Variants in PGAP6 observed in about 807,000 individuals in gnomAD.
PGAP6 encodes post-GPI attachment to proteins 6, also known as post-GPI attachment to proteins factor 6.
PGAP6 carries 62 observed loss-of-function variants against 68.4 expected under a neutral mutation model. That is an observed-to-expected ratio of 0.91 (90% CI 0.74 to 1.12). The LOEUF is 1.12. Among genes scored for constraint, PGAP6 ranks in the 50% most tolerant of loss-of-function variants. The pLI, the probability that PGAP6 is intolerant of heterozygous loss-of-function variation, is 0.00. For synonymous variants in PGAP6, 575 were observed against 474.0 expected (o/e 1.21, Z -2.77); for missense variants, 1,188 against 1,068.5 (o/e 1.11, Z -1.56).
chr16:372,316 G>T (rs1414705589), intron 12 of PGAP6, 33 bp from the exon 13 acceptor site: 1 of 1,584,532 alleles, frequency 6.3e-7, no homozygotes, highest in East Asian at 2.3e-5. Context: ...TATCAGTGCA[G>T]GTGGGGCCGC....
Position 376,544 on chromosome 16 carries a change from C to T in PGAP6, c.904G>A (p.Ala302Thr). 6.5e-7 allele frequency: 1 copy of T among 1,545,144 alleles called. No individual in the cohort carries two copies. The highest frequency in any genetic ancestry group is 8.7e-7 in the Non-Finnish European group (1 of 1,144,582). Reference sequence around the variant, plus strand: ...TCCCTCCAGCCCTTGTGCGGCCCACCTGTGAGGGCAGCTACAGCACTGAAA... The same window carrying T: ...TCCCTCCAGCCCTTGTGCGGCCCACTTGTGAGGGCAGCTACAGCACTGAAA... ...VAFSAVAALTACRPRSVTIQP... is the reference protein window; with the variant it reads ...VAFSAVAALTTCRPRSVTIQP... Residue 302 changes from alanine to threonine, a missense_variant and splice_region_variant, in exon 5 of 13, where the codon GCT becomes ACT. Physicochemically the swap from Ala to Thr is moderately conservative, Grantham distance 58. Coordinates refer to ENST00000431232, the MANE Select transcript of PGAP6 (RefSeq NM_021259.3).
chr16:372,525 C>T, intron 12 of PGAP6, 86 bp downstream of exon 12: 1 of 1,148,774 alleles, frequency 8.7e-7, no homozygotes, highest in Non-Finnish European at 1.3e-6. Context: ...CTGGTTGGAG[C>T]AGGACCAGGA....
intron 1 of PGAP6, among the ~76,000 whole-genome samples, 157 bp from the exon 2 acceptor site, chr16:378,005 C>T (rs1454248899): frequency 2.0e-5 from 3 of 152,196 alleles, no homozygotes; most frequent in South Asian, 2.1e-4. Flanking sequence ...TCACCGACAC[C>T]CTCTGGCCCC....
At chr16:382,953 C>T (rs2054456727), upstream of PGAP6, among the ~76,000 whole-genome samples, 1 of 148,722 alleles carries the variant, frequency 6.7e-6, no homozygotes, top group Non-Finnish European at 1.5e-5. Context: ...GCCAGGGATA[C>T]GCTGATCCTC....
At chr16:380,603 G>A (rs2054428634) in intron 1 of PGAP6, among the ~76,000 whole-genome samples, 1 of 152,192 alleles carries the variant, frequency 6.6e-6, no homozygotes, top group Non-Finnish European at 1.5e-5. Context: ...CTGACCTCAG[G>A]TGATCCACCC....
At position 372,670 on chromosome 16, in the gene PGAP6, C is replaced by T; in HGVS notation, c.1960G>A (p.Gly654Ser). The T allele has an allele frequency of 1.9e-6, 3 of 1,612,486 alleles. No individual in the cohort carries two copies. Among genetic ancestry groups the T allele is most frequent in the Middle Eastern group, 1.7e-4 (1 of 6,060 alleles). The change falls in exon 12 of 13, where the codon GGC (glycine) becomes AGC (serine). Residue 654 changes from glycine (G) to serine (S), a missense_variant. By Grantham distance (56) the Gly-to-Ser change is moderately conservative. Transcript: ENST00000431232. ...CAGGGCCCCAGCATGTTCCACATGCCCCTGCGGTCCAGCTGCAAGGACATG... is the reference window on the plus strand; with the variant it reads ...CAGGGCCCCAGCATGTTCCACATGCTCCTGCGGTCCAGCTGCAAGGACATG... ...IAMSLQLDRR[G>S]MWNMLGPCLF...
rs746842155 is a variant in PGAP6, at chr16:376,211, G to A, written c.1149C>T (p.Pro383=). ...TGTTCAGGCGCAGCCGCATCACGGA[G>A]GGCGTGTCCGAACACACCCTCACCG... The part of the protein sequence containing the change: ...RVSVRVCSDT[P]SVMRLRLNTG... The change falls in exon 6 of 13, where the codon CCC becomes CCT. Residue 383 remains proline, a synonymous_variant. Coordinates refer to ENST00000431232, the MANE Select transcript of PGAP6 (RefSeq NM_021259.3). 1.9e-6 allele frequency: 3 copies of A among 1,612,692 alleles called. No homozygotes were observed. Among genetic ancestry groups the A allele is most frequent in the South Asian group, 2.2e-5 (2 of 91,088 alleles).
rs1353113093 is a variant in PGAP6 at position 381,668 on chromosome 16, A to C, written c.121+33T>G. ...CCGCCCCGCCCGCAGCCCCGGCCCCACGCCCCCGATGGCGCCCGCGCCTCC... is the reference window on the plus strand; with the variant it reads ...CCGCCCCGCCCGCAGCCCCGGCCCCCCGCCCCCGATGGCGCCCGCGCCTCC... On this transcript the variant is annotated intron_variant, in intron 1 of 12. Transcript: ENST00000431232. 6.1e-6 allele frequency: 7 copies of C among 1,142,920 alleles called. No individual in the cohort carries two copies. The African/African-American group carries it at 1.1e-4, about 17-fold the overall frequency. 70.8% of individuals were successfully genotyped at this position (1,142,920 alleles called of 1,614,324 possible).
rs2054441757 is a variant in PGAP6, at chr16:381,804, G to A, written c.18C>T (p.Thr6=). 2 of 1,136,376 alleles carry A rather than the reference G, an allele frequency of 1.8e-6. No individual in the cohort carries two copies. Among genetic ancestry groups the A allele is most frequent in the Admixed American group, 4.9e-5 (1 of 20,206 alleles). The allele number at this position is 1,136,376 out of a possible 1,614,324, so 70.4% of individuals were successfully genotyped here. A position where few individuals can be genotyped will look rare whatever the true frequency, so the allele number is the denominator to read the frequency against. Reference sequence around the variant, plus strand: ...CGGCCACCGCCTCGCCCCCGGTCCCGGTGCCAGCCCGGCCCATGGCTCCGC... The same window carrying A: ...CGGCCACCGCCTCGCCCCCGGTCCCAGTGCCAGCCCGGCCCATGGCTCCGC... MGRAG[T]GTGGEAVAAV... is the part of the protein sequence containing the mutation. The change falls in exon 1 of 13, where the codon ACC becomes ACT. Residue 6 remains threonine, a synonymous_variant. Coordinates refer to ENST00000431232, the MANE Select transcript of PGAP6 (RefSeq NM_021259.3).
rs527261262 is a variant in PGAP6 at position 376,733 on chromosome 16, C to T, written c.715G>A (p.Val239Met). Residue 239 changes from valine to methionine, a missense_variant, in exon 5 of 13, where the codon GTG (valine) becomes ATG (methionine). Val to Met is a conservative substitution (Grantham distance 21). Coordinates refer to ENST00000431232, the MANE Select transcript of PGAP6 (RefSeq NM_021259.3). ...CVSNGSLGCP[V>M]RLTVGPVTLP... is the part of the protein sequence containing the mutation. ...GTGACCGGGCCCACGGTGAGACGCA[C>T]GGGGCAGCCCAGGCTCCCATTGGAC... 6 of 1,611,594 alleles carry T rather than the reference C, an allele frequency of 3.7e-6. No homozygotes were observed. The Admixed American group carries it at 5.0e-5, about 13-fold the overall frequency.
chr16:382,134 C>T (rs1428194685), upstream of PGAP6: 2 of 361,196 alleles, frequency 5.5e-6, no homozygotes, highest in Non-Finnish European at 9.8e-6. Flanking sequence ...CGGACCGGGG[C>T]GCGCGCGGTC....
Position 375,431 on chromosome 16 carries a change from T to C in PGAP6, c.1229A>G (p.Glu410Gly). The change falls in exon 7 of 13, where the codon GAG becomes GGG. Residue 410 changes from glutamate to glycine, a missense_variant. Transcript: ENST00000431232. ...LTISLRANKTEMRNETVVVAC... is the reference protein window; with the variant it reads ...LTISLRANKTGMRNETVVVAC... ...CACTACGACGGTCTCGTTCCGCATC[T>C]CTGTCTGGAAAGGGAGGCGGTGCCG... 1 of 1,611,976 alleles carries C rather than the reference T, an allele frequency of 6.2e-7. No homozygotes were observed. Among genetic ancestry groups the C allele is most frequent in the South Asian group, 1.1e-5 (1 of 91,034 alleles).
intron 9 of PGAP6, 56 bp downstream of exon 9, chr16:374,700 A>G: frequency 1.9e-6 from 3 of 1,602,778 alleles, no homozygotes; most frequent in South Asian, 2.2e-5. Context: ...GGCACAGCAC[A>G]GCACTGGAAG....
In PGAP6 at chr16:381,732, C is replaced by T; in HGVS notation, c.90G>A (p.Pro30=). 8.2e-7 allele frequency: 1 copy of T among 1,212,734 alleles called. No homozygotes were observed. 75.1% of individuals were successfully genotyped at this position (1,212,734 alleles called of 1,614,324 possible). The change falls in exon 1 of 13, where the codon CCG becomes CCA. Residue 30 remains proline, a synonymous_variant. Transcript: ENST00000431232. ...TCCCGCTGTAGCCGGCGGAGGCAGG[C>T]GGGGGCCGGGCAAGCAGCAGCAGCA... ...PLLLLLLARP[P]PASAGYSGKS...
chr16:384,232 G>C (rs1485153193), upstream of PGAP6: 1 of 152,368 alleles, frequency 6.6e-6, no homozygotes, highest in Non-Finnish European at 1.5e-5. Context: ...TTAGTCTGAG[G>C]TTCCTGTGCC....
In PGAP6 at chr16:376,630, G is replaced by A; in HGVS notation, c.818C>T (p.Pro273Leu). 1.9e-6 allele frequency: 3 copies of A among 1,603,192 alleles called. No individual in the cohort carries two copies. The highest frequency in any genetic ancestry group is 1.7e-6 in the Non-Finnish European group (2 of 1,174,530). The stretch of plus-strand genomic sequence containing the variant: ...TGTCACTTGCAGCCACCGGTCCCAG[G>A]GCGGTGAGGGCAGCAGCAGGCGGCA... ...WPCRLLLPSP[P>L]WDRWLQVTAE... Residue 273 changes from proline (P) to leucine (L), a missense_variant, in exon 5 of 13, where the codon CCC becomes CTC. Pro to Leu is a moderately conservative substitution (Grantham distance 98). Transcript: ENST00000431232.
intron 11 of PGAP6, 106 bp from the exon 12 acceptor site, chr16:372,833 A>G (rs1239344750): frequency 1.3e-6 from 1 of 759,396 alleles, no homozygotes; most frequent in Non-Finnish European, 2.2e-6. Flanking sequence ...GCCCCCTCGG[A>G]GCTGCTGCCA....
intron 1 of PGAP6, among the ~76,000 whole-genome samples, 153 bp from the exon 2 acceptor site, chr16:378,001 A>C (rs59253482): frequency 0.56 from 84,617 of 151,756 alleles, 23,958 homozygotes; most frequent in South Asian, 0.7. Flanking sequence ...AAGGTCACCG[A>C]CACCCTCTGG....
intron 11 of PGAP6, among the ~76,000 whole-genome samples, chr16:373,506 T>C (rs2054352209): frequency 6.6e-6 from 1 of 152,226 alleles, no homozygotes; most frequent in Non-Finnish European, 1.5e-5. Flanking sequence ...CACAACTGCC[T>C]GCGGGGTCTC....
Sources: allele counts gnomAD v4.1 joint callset (sites outside exome capture counted in the v4.1 genomes callset), GRCh38; gene constraint gnomAD v4.1.1; transcripts MANE v1.5; gene names NCBI Gene and HGNC (gene_info 2026-07-23, HGNC 2026-07-21).